Variants in CHSY3 observed in about 807,000 individuals in gnomAD.
The protein encoded by CHSY3 is chondroitin sulfate synthase 3.
In CHSY3, 35 loss-of-function variants were observed where a neutral mutation model predicts 67.2. The ratio of observed to expected loss-of-function variants is 0.52; its 90% confidence interval spans 0.40 to 0.69. The LOEUF (loss-of-function observed/expected upper bound fraction) is 0.69. Ranked by LOEUF, CHSY3 falls within the 30% of genes least tolerant of loss-of-function variation. The probability of loss-of-function intolerance (pLI) is 0.00; values close to 1 mark genes in which losing one functional copy is unlikely to be tolerated. For synonymous variants in CHSY3, 474 were observed against 434.7 expected, an observed-to-expected ratio of 1.09 and a Z score of -1.12; for missense variants, 1,069 against 1,138.5, an observed-to-expected ratio of 0.94 and a Z score of 0.88.
chr5:130,047,347 T>C (rs1417580028), intron 2 of CHSY3, among the ~76,000 whole-genome samples: 2 of 152,052 alleles, frequency 1.3e-5, no homozygotes, highest in Non-Finnish European at 2.9e-5. Context: ...ACCTACTGTA[T>C]ACAAAGTCCC....
intron 2 of CHSY3, among the ~76,000 whole-genome samples, chr5:129,995,125 A>T (rs1763496887): frequency 2.0e-5 from 3 of 152,186 alleles, no homozygotes; most frequent in Admixed American, 6.5e-5. Flanking sequence ...TTAAAGTTTT[A>T]TCCACCCTAG....
At chr5:130,104,058 A>G (rs1227038861) in intron 2 of CHSY3, among the ~76,000 whole-genome samples, 3 of 151,790 alleles carry the variant, frequency 2.0e-5, no homozygotes, top group Admixed American at 6.6e-5. Flanking sequence ...TGTTAGCCCA[A>G]CCCATTTTTA....
At chr5:130,100,241 G>T (rs955051295) in intron 2 of CHSY3, among the ~76,000 whole-genome samples, 1 of 151,992 alleles carries the variant, frequency 6.6e-6, no homozygotes, top group African/African-American at 2.4e-5. Flanking sequence ...GAGTGCAGTC[G>T]CGCGATCTCC....
chr5:129,961,749 T>A lies in CHSY3; in HGVS notation c.1086+53389T>A, dbSNP rs1190801684. 2.6e-5 allele frequency among the ~76,000 whole-genome samples: 4 copies of A among 152,044 alleles called. No homozygotes were observed. In the East Asian group the frequency reaches 7.7e-4, roughly 29 times the overall value. On this transcript the variant is annotated intron_variant, in intron 2 of 2. Transcript: ENST00000305031. ...TTTGAGTAACCTTTAAGCATTAATT[T>A]GTTTATGAAATTACAACCTGACATA...
intron 2 of CHSY3, among the ~76,000 whole-genome samples, chr5:130,131,429 C>T (rs1241413673): frequency 2.6e-5 from 4 of 152,148 alleles, no homozygotes; most frequent in African/African-American, 9.7e-5. Flanking sequence ...TACCACTCGT[C>T]TGCTTAAAAC....
intron 2 of CHSY3, among the ~76,000 whole-genome samples, chr5:130,003,408 A>G (rs150531578): frequency 1.3e-5 from 2 of 152,290 alleles, no homozygotes; most frequent in East Asian, 1.9e-4. Context: ...ATCTGATACA[A>G]CCTAAATGGT....
intron 2 of CHSY3, among the ~76,000 whole-genome samples, chr5:130,086,471 T>C (rs1316180687): frequency 1.3e-5 from 2 of 152,078 alleles, no homozygotes; most frequent in Non-Finnish European, 2.9e-5. Flanking sequence ...TGGTAGATCT[T>C]CCTCCATCGT....
At chr5:130,002,044 C>A in intron 2 of CHSY3, 3 of 878,860 alleles carry the variant, frequency 3.4e-6, no homozygotes, top group Non-Finnish European at 2.7e-6. Context: ...TTTTTTAACT[C>A]ACTACTTTAG....
At chr5:130,142,066 C>T (rs1768885310) in intron 2 of CHSY3, 1 of 165,944 alleles carries the variant, frequency 6.0e-6, no homozygotes, top group Non-Finnish European at 1.3e-5. Flanking sequence ...AACTACTGGC[C>T]AATCTCAATA....
chr5:130,126,180 G>A lies in CHSY3; in HGVS notation c.1087-58049G>A, dbSNP rs371630413. On this transcript the variant is annotated intron_variant, in intron 2 of 2. Transcript: ENST00000305031. ...ATCAATATGGAGTCCCTAACACATG[G>A]TCGGTACTTGATAAGTATGTGTGTA... Among the ~76,000 whole-genome samples the A allele has an allele frequency of 1.0e-3, 153 of 152,068 alleles. No individual in the cohort carries two copies. In the Middle Eastern group the frequency reaches 0.02, roughly 20 times the overall value.
intron 2 of CHSY3, among the ~76,000 whole-genome samples, chr5:129,917,958 A>G (rs902985770): frequency 6.6e-6 from 1 of 152,242 alleles, no homozygotes; most frequent in African/African-American, 2.4e-5. Context: ...AATTTTCCAT[A>G]TTCAAATATC....
At chr5:130,009,503 CA>C (rs571596807) in intron 2 of CHSY3, among the ~76,000 whole-genome samples, 166 of 139,054 alleles carry the variant, frequency 1.2e-3, no homozygotes, top group East Asian at 1.2e-3. Context: ...TACTGGCCAC[CA>C]AAAAAAAAAA....
intron 2 of CHSY3, among the ~76,000 whole-genome samples, chr5:130,161,641 T>C (rs977531896): frequency 6.6e-6 from 1 of 152,226 alleles, no homozygotes. Context: ...TTACAAGGTA[T>C]ATCAGTCAGT....
At chr5:129,986,350 C>A (rs1218248101) in intron 2 of CHSY3, among the ~76,000 whole-genome samples, 1 of 152,114 alleles carries the variant, frequency 6.6e-6, no homozygotes, top group Non-Finnish European at 1.5e-5. Flanking sequence ...ATATGTTGAA[C>A]CAACCTTGCA....
Position 130,108,964 on chromosome 5 carries a change from A to G in CHSY3, c.1087-75265A>G, listed in dbSNP as rs147598233. On this transcript the variant is annotated intron_variant, in intron 2 of 2. Transcript: ENST00000305031. ...AAAATGGACCAAAATAGTCTAAAGC[A>G]TGGGTATTATCCATTTGACTATGAA... 5.3e-5 allele frequency among the ~76,000 whole-genome samples: 8 copies of G among 151,866 alleles called. No individual in the cohort carries two copies. In the East Asian group the frequency reaches 1.5e-3, roughly 29 times the overall value.
Position 129,904,697 on chromosome 5 carries a change from G to C in CHSY3, c.-133G>C. 8.3e-7 allele frequency: 1 copy of C among 1,208,310 alleles called. No individual in the cohort carries two copies. The allele number at this position is 1,208,310 out of a possible 1,614,324, so 74.8% of individuals were successfully genotyped here. On this transcript the variant is annotated 5_prime_UTR_variant, in exon 1 of 3. Coordinates refer to ENST00000305031, the MANE Select transcript of CHSY3 (RefSeq NM_175856.5). Reference sequence around the variant, plus strand: ...GTCCGCGGCGCTTCGACCTCCAGCCGGTGTCGGCGCCTAGGCGGCCGGCTG... The same window carrying C: ...GTCCGCGGCGCTTCGACCTCCAGCCCGTGTCGGCGCCTAGGCGGCCGGCTG...
intron 2 of CHSY3, among the ~76,000 whole-genome samples, chr5:129,958,562 G>T (rs1561473291): frequency 1.3e-5 from 2 of 152,082 alleles, no homozygotes; most frequent in Non-Finnish European, 2.9e-5. Flanking sequence ...ATGGGGTTTT[G>T]CTCTGTTACC....
At chr5:129,984,041 A>G (rs77238216) in intron 2 of CHSY3, among the ~76,000 whole-genome samples, 2,418 of 152,168 alleles carry the variant, frequency 0.016, 52 homozygotes, top group African/African-American at 0.054. Context: ...TCATTTTCCA[A>G]CTTTTAGGTT....
At chr5:130,145,042 A>T (rs556589589) in intron 2 of CHSY3, among the ~76,000 whole-genome samples, 1 of 152,250 alleles carries the variant, frequency 6.6e-6, no homozygotes, top group African/African-American at 2.4e-5. Flanking sequence ...TTAAACAACC[A>T]GATCTTATGA....
Sources: gnomAD v4.1 joint callset for allele counts (sites outside exome capture counted in the v4.1 genomes callset) on GRCh38, gnomAD v4.1.1 for gene constraint, MANE v1.5 for transcripts, NCBI Gene and HGNC (gene_info 2026-07-23, HGNC 2026-07-21) for gene names.